CSMD1: variants seen among roughly 807,000 people sequenced by gnomAD.
CSMD1 encodes CUB and sushi domain-containing protein 1.
CSMD1 carries 213 observed loss-of-function variants against 417.5 expected under a neutral mutation model. That is an observed-to-expected ratio of 0.51 (90% CI 0.46 to 0.57). The LOEUF is 0.57. CSMD1 is among the 20% of genes least tolerant of loss of function. The probability of loss-of-function intolerance (pLI) is 0.00; values close to 1 mark genes in which losing one functional copy is unlikely to be tolerated. For missense variants in CSMD1, 6,923 were observed against 4,529.7 expected (o/e 1.53, Z -15.17); for synonymous variants, 2,862 against 1,736.8 (o/e 1.65, Z -16.11).
intron 3 of CSMD1, among the ~76,000 whole-genome samples, chr8:4,082,436 A>G (rs186192809): frequency 4.4e-4 from 67 of 152,324 alleles, no homozygotes; most frequent in Non-Finnish European, 6.0e-4. Flanking sequence ...TCTTTTGAAA[A>G]TAGAGGAAGG....
intron 18 of CSMD1, among the ~76,000 whole-genome samples, chr8:3,380,175 G>A (rs1052393000): frequency 7.2e-5 from 11 of 152,202 alleles, no homozygotes; most frequent in African/African-American, 9.6e-5. Flanking sequence ...AATGCACATC[G>A]AAACCACAGT....
intron 3 of CSMD1, among the ~76,000 whole-genome samples, chr8:4,294,371 G>C (rs1797549574): frequency 1.3e-5 from 2 of 152,128 alleles, no homozygotes; most frequent in Non-Finnish European, 2.9e-5. Context: ...GTATTCCAGA[G>C]AGTGCAAGAT....
At chr8:4,523,052 A>G (rs1367700514) in intron 2 of CSMD1, among the ~76,000 whole-genome samples, 1 of 152,208 alleles carries the variant, frequency 6.6e-6, no homozygotes, top group Non-Finnish European at 1.5e-5. Flanking sequence ...TAAGCTCTGC[A>G]GAGCTGCAAA....
intron 6 of CSMD1, among the ~76,000 whole-genome samples, chr8:3,750,465 T>C (rs1353072992): frequency 6.6e-6 from 1 of 152,042 alleles, no homozygotes; most frequent in African/African-American, 2.4e-5. Context: ...TAATTATTAT[T>C]GTTGTCTTAT....
chr8:4,536,017 A>T (rs1246466430), intron 2 of CSMD1, among the ~76,000 whole-genome samples: 2 of 152,160 alleles, frequency 1.3e-5, no homozygotes, highest in East Asian at 3.9e-4. Context: ...CAATGCCACC[A>T]TTATTAACAT....
chr8:4,494,436 G>A (rs545298106), intron 2 of CSMD1, among the ~76,000 whole-genome samples: 5 of 152,106 alleles, frequency 3.3e-5, no homozygotes, highest in Admixed American at 1.3e-4. Context: ...TTAGTTTATC[G>A]CATATATTGC....
chr8:4,822,516 G>C (rs192083209), intron 1 of CSMD1, among the ~76,000 whole-genome samples: 6 of 152,136 alleles, frequency 3.9e-5, no homozygotes, highest in African/African-American at 1.2e-4. Flanking sequence ...TGGGCCACAG[G>C]ATAACTAGGC....
At chr8:4,549,244 T>G (rs1050333206) in intron 2 of CSMD1, among the ~76,000 whole-genome samples, 2 of 152,124 alleles carry the variant, frequency 1.3e-5, no homozygotes, top group African/African-American at 4.8e-5. Flanking sequence ...CCTACCATAT[T>G]CCAGAATGCC....
intron 2 of CSMD1, among the ~76,000 whole-genome samples, chr8:4,465,018 G>T (rs187491099): frequency 4.6e-5 from 7 of 152,144 alleles, no homozygotes; most frequent in Admixed American, 6.5e-5. Flanking sequence ...CTTGGGAAAG[G>T]AAGAAAATAG....
chr8:2,962,660 G>A (rs754051476), intron 60 of CSMD1, 21 bp from the exon 61 acceptor site: 16 of 1,609,566 alleles, frequency 9.9e-6, no homozygotes, highest in Non-Finnish European at 1.4e-5. Context: ...TAACCAGGAA[G>A]AAGTCAGCCT....
At chr8:4,632,655 C>T (rs1020205957) in intron 2 of CSMD1, among the ~76,000 whole-genome samples, 5 of 152,122 alleles carry the variant, frequency 3.3e-5, no homozygotes, top group African/African-American at 9.7e-5. Context: ...AGCCCCATTG[C>T]GAGGTAACTT....
At chr8:2,947,191 A>C (rs2128916801) in intron 68 of CSMD1, among the ~76,000 whole-genome samples, 1 of 152,292 alleles carries the variant, frequency 6.6e-6, no homozygotes, top group African/African-American at 2.4e-5. Flanking sequence ...TGAGTCATTC[A>C]ATCCTAATGA....
chr8:4,182,913 G>A (rs1798457874), intron 3 of CSMD1, among the ~76,000 whole-genome samples: 1 of 152,124 alleles, frequency 6.6e-6, no homozygotes, highest in African/African-American at 2.4e-5. Context: ...TGTAATTGAA[G>A]ACGGTGGATA....
intron 1 of CSMD1, among the ~76,000 whole-genome samples, chr8:4,904,936 C>A (rs1173590774): frequency 2.6e-5 from 4 of 152,238 alleles, no homozygotes; most frequent in East Asian, 3.9e-4. Context: ...TGTCCAGGGC[C>A]TCTTTGGGAC....
chr8:4,085,229 T>G (rs988919516), intron 3 of CSMD1, among the ~76,000 whole-genome samples: 1 of 152,126 alleles, frequency 6.6e-6, no homozygotes, highest in Admixed American at 6.5e-5. Flanking sequence ...ATCATCTGAT[T>G]GATTTAGGGA....
chr8:4,954,009 C>T (rs111969252), intron 1 of CSMD1, among the ~76,000 whole-genome samples: 175 of 152,222 alleles, frequency 1.1e-3, no homozygotes, highest in African/African-American at 3.9e-3. Flanking sequence ...GCAATGAAGA[C>T]GTTACCCTTC....
intron 7 of CSMD1, among the ~76,000 whole-genome samples, chr8:3,649,374 T>C (rs1797731843): frequency 6.6e-6 from 1 of 152,202 alleles, no homozygotes; most frequent in Non-Finnish European, 1.5e-5. Context: ...ACACTGATAT[T>C]AAAATTCATC....
At chr8:3,579,723 A>G (rs969171062) in intron 9 of CSMD1, among the ~76,000 whole-genome samples, 1 of 152,214 alleles carries the variant, frequency 6.6e-6, no homozygotes, top group Non-Finnish European at 1.5e-5. Context: ...CACTCAGCTT[A>G]TTTAATTAGA....
intron 11 of CSMD1, among the ~76,000 whole-genome samples, chr8:3,482,761 T>G (rs1394333660): frequency 1.3e-5 from 2 of 152,272 alleles, no homozygotes; most frequent in Non-Finnish European, 1.5e-5. Context: ...TCAAATGAAC[T>G]GAAATCATAG....
Sources: allele counts gnomAD v4.1 joint callset (sites outside exome capture counted in the v4.1 genomes callset), GRCh38; gene constraint gnomAD v4.1.1; transcripts MANE v1.5; gene names NCBI Gene and HGNC (gene_info 2026-07-23, HGNC 2026-07-21).